Variants in UGT1A3 observed in about 807,000 individuals in gnomAD.
UGT1A3 encodes the protein UDP-glucuronosyltransferase 1A3.
In UGT1A3, 31 loss-of-function variants were observed where a neutral mutation model predicts 41.0. The ratio of observed to expected loss-of-function variants is 0.76; its 90% confidence interval spans 0.57 to 1.02. UGT1A3 has a LOEUF of 1.02. UGT1A3 is among the 50% of genes least tolerant of loss of function. The probability of loss-of-function intolerance (pLI) is 0.00; values close to 1 mark genes in which losing one functional copy is unlikely to be tolerated. For synonymous variants in UGT1A3, 262 were observed against 257.6 expected (o/e 1.02, Z -0.17); for missense variants, 737 against 671.0 (o/e 1.10, Z -1.09).
At chr2:233,755,114 G>A (rs761865052) in intron 1 of UGT1A3, 3 of 1,331,932 alleles carry the variant, frequency 2.3e-6, no homozygotes, top group South Asian at 2.3e-5. Context: ...ACACCTCGTA[G>A]GCCTCAGCCA....
chr2:233,760,187 A>T (rs990924145), intron 1 of UGT1A3: 2 of 1,561,228 alleles, frequency 1.3e-6, no homozygotes, highest in African/African-American at 2.7e-5. Flanking sequence ...TTTTATAGTC[A>T]CGTGACACAG....
intron 4 of UGT1A3, among the ~76,000 whole-genome samples, chr2:233,771,801 TC>T (rs1700390551): frequency 9.1e-6 from 1 of 110,270 alleles, no homozygotes; most frequent in Non-Finnish European, 1.8e-5. Flanking sequence ...CCTCCCTCCC[TC>T]CCTTCCTCCT....
intron 1 of UGT1A3, among the ~76,000 whole-genome samples, chr2:233,732,581 G>T (rs2078286817): frequency 6.6e-6 from 1 of 152,170 alleles, no homozygotes; most frequent in African/African-American, 2.4e-5. Flanking sequence ...CCCATTGCTT[G>T]TTTTTGTCAG....
intron 1 of UGT1A3, among the ~76,000 whole-genome samples, chr2:233,741,240 A>G (rs530886202): frequency 6.6e-6 from 1 of 152,014 alleles, no homozygotes; most frequent in East Asian, 1.9e-4. Flanking sequence ...CCTCTGAGTG[A>G]CACTGGTATG....
intron 2 of UGT1A3, 98 bp downstream of exon 2, chr2:233,767,263 G>C (rs1020187729): frequency 6.3e-7 from 1 of 1,589,094 alleles, no homozygotes; most frequent in African/African-American, 1.4e-5. Flanking sequence ...TGGAACCTTA[G>C]ATTTGGCTTT....
rs368860136 is a variant in UGT1A3, at chr2:233,772,310, G to A, written c.1356G>A (p.Pro452=). The A allele has an allele frequency of 6.6e-5, 107 of 1,614,092 alleles. No individual in the cohort carries two copies. The highest frequency in any genetic ancestry group is 2.5e-4 in the African/African-American group (19 of 74,926). ...MRLSSLHKDR[P]VEPLDLAVFW... ...TCTCCAGCCTTCACAAGGACCGCCCGGTGGAGCCGCTGGACCTGGCCGTGT... is the reference window on the plus strand; with the variant it reads ...TCTCCAGCCTTCACAAGGACCGCCCAGTGGAGCCGCTGGACCTGGCCGTGT... Residue 452 remains proline, a synonymous_variant, in exon 5 of 5, where the codon CCG becomes CCA. Transcript: ENST00000482026.
chr2:233,731,238 T>A (rs2078125574), intron 1 of UGT1A3, among the ~76,000 whole-genome samples: 1 of 152,108 alleles, frequency 6.6e-6, no homozygotes, highest in South Asian at 2.1e-4. Context: ...TGTTGAAAAG[T>A]GGGATGGCAT....
chr2:233,767,309 T>A, intron 2 of UGT1A3, 144 bp downstream of exon 2: 2 of 1,517,866 alleles, frequency 1.3e-6, no homozygotes, highest in Non-Finnish European at 8.7e-7. Context: ...CCAAAGGTTT[T>A]TTTTGTTGTT....
Position 233,731,690 on chromosome 2 carries a change from G to C in UGT1A3, c.867+1697G>C, listed in dbSNP as rs183220610. ...TTCTTAATCCAGTCTATCATTGATG[G>C]ACATTTGGATTGGTTCCAGGTCTTT... On this transcript the variant is annotated intron_variant, in intron 1 of 4. Coordinates refer to ENST00000482026, the MANE Select transcript of UGT1A3 (RefSeq NM_019093.4). 7.2e-5 allele frequency among the ~76,000 whole-genome samples: 11 copies of C among 152,322 alleles called. No individual in the cohort carries two copies. The East Asian group carries it at 2.1e-3, about 29-fold the overall frequency.
chr2:233,772,274 C>T lies in UGT1A3; in HGVS notation c.1320C>T (p.Asn440=), dbSNP rs754238953. Residue 440 remains asparagine, a synonymous_variant, in exon 5 of 5, where the codon AAC becomes AAT. Coordinates refer to ENST00000482026, the MANE Select transcript of UGT1A3 (RefSeq NM_019093.4). ...TCTTTGTGTTTAGTTACAAGGAGAA[C>T]ATCATGCGCCTCTCCAGCCTTCACA... The part of the protein sequence containing the change: ...AVINDKSYKE[N]IMRLSSLHKD... 1.5e-5 allele frequency: 25 copies of T among 1,614,248 alleles called. No individual in the cohort carries two copies. The South Asian group carries it at 1.8e-4, about 11-fold the overall frequency.
chr2:233,738,647 T>G (rs1690861209), intron 1 of UGT1A3, among the ~76,000 whole-genome samples: 1 of 152,210 alleles, frequency 6.6e-6, no homozygotes, highest in Non-Finnish European at 1.5e-5. Context: ...TAGAGCTCTT[T>G]GGAACTACGA....
rs1699600557 is a variant in UGT1A3 at position 233,768,315 on chromosome 2, T to C, written c.1183T>C (p.Phe395Leu). The change falls in exon 4 of 5, where the codon TTT becomes CTT. Residue 395 changes from phenylalanine (F) to leucine (L), a missense_variant. Physicochemically the swap from Phe to Leu is conservative, Grantham distance 22. Coordinates refer to ENST00000482026, the MANE Select transcript of UGT1A3 (RefSeq NM_019093.4). ...CGTTCCCATGGTGATGATGCCCTTG[T>C]TTGGTGATCAGATGGACAATGCAAA... ...NGVPMVMMPLFGDQMDNAKRM... is the reference protein window; with the variant it reads ...NGVPMVMMPLLGDQMDNAKRM... 3 of 1,614,138 alleles carry C rather than the reference T, an allele frequency of 1.9e-6. No individual in the cohort carries two copies. Among genetic ancestry groups the C allele is most frequent in the South Asian group, 2.2e-5 (2 of 91,078 alleles).
In UGT1A3 at chr2:233,729,056, T is replaced by G; in HGVS notation, c.-71T>G. ...CTAAGTGGCTCAGTGACAAGGTAATTAAGATGAAGAAAGCAAATGTAGCAG... is the reference window on the plus strand; with the variant it reads ...CTAAGTGGCTCAGTGACAAGGTAATGAAGATGAAGAAAGCAAATGTAGCAG... On this transcript the variant is annotated 5_prime_UTR_variant, in exon 1 of 5. The change creates a new upstream start codon in the 5' untranslated region. Coordinates refer to ENST00000482026, the MANE Select transcript of UGT1A3 (RefSeq NM_019093.4). The G allele has an allele frequency of 6.2e-7, 1 of 1,610,084 alleles. No homozygotes were observed. Among genetic ancestry groups the G allele is most frequent in the Non-Finnish European group, 8.5e-7 (1 of 1,178,744 alleles).
At position 233,769,327 on chromosome 2, in the gene UGT1A3, G is replaced by C. The variant is rs1477763656; in HGVS notation, c.1307+888G>C. The stretch of plus-strand genomic sequence containing the variant: ...TTACTGTCAAGCTCACTGGTAATAG[G>C]CTTATTAGAACCTTATGGGAAGAAG... On this transcript the variant is annotated intron_variant, in intron 4 of 4. Transcript: ENST00000482026. The surrounding 1 kb of genome is among the most constrained non-coding windows in gnomAD (Gnocchi z 4.4). 6.6e-6 allele frequency among the ~76,000 whole-genome samples: 1 copy of C among 152,234 alleles called. No homozygotes were observed. The highest frequency in any genetic ancestry group is 1.5e-5 in the Non-Finnish European group (1 of 68,042).
At chr2:233,748,098 A>C in intron 1 of UGT1A3, 1 of 1,612,702 alleles carries the variant, frequency 6.2e-7, no homozygotes, top group Non-Finnish European at 8.5e-7. Flanking sequence ...TCGTGCCTTC[A>C]TCCAATCAAT....
chr2:233,748,015 C>G (rs746722710), intron 1 of UGT1A3: 4 of 1,613,310 alleles, frequency 2.5e-6, no homozygotes. Flanking sequence ...TACCCCAGGC[C>G]GATCATGCCC....
In UGT1A3 at chr2:233,765,523, G is replaced by A. The variant is rs34942302; in HGVS notation, c.868-1511G>A. On this transcript the variant is annotated intron_variant, in intron 1 of 4. Coordinates refer to ENST00000482026, the MANE Select transcript of UGT1A3 (RefSeq NM_019093.4). ...ACACAGGAACAGAAAATCAAACACCGCATGTTCTCACTCATAAGTGGGAGT... is the reference window on the plus strand; with the variant it reads ...ACACAGGAACAGAAAATCAAACACCACATGTTCTCACTCATAAGTGGGAGT... Among the ~76,000 whole-genome samples, 784 of 152,122 alleles carry A rather than the reference G, an allele frequency of 5.2e-3. 4 individuals are homozygous for A. Among genetic ancestry groups the A allele is most frequent in the Non-Finnish European group, 8.2e-3 (558 of 68,008 alleles).
intron 1 of UGT1A3, among the ~76,000 whole-genome samples, chr2:233,756,863 G>A (rs956259550): frequency 6.6e-6 from 1 of 152,072 alleles, no homozygotes; most frequent in Non-Finnish European, 1.5e-5. Flanking sequence ...GGTTCATAAA[G>A]GGTATTAGGT....
At chr2:233,736,896 C>T (rs1212789655) in intron 1 of UGT1A3, among the ~76,000 whole-genome samples, 1 of 152,186 alleles carries the variant, frequency 6.6e-6, no homozygotes, top group Non-Finnish European at 1.5e-5. Context: ...GCTGCCTGAT[C>T]CTTCCTCTGG....
Sources: gnomAD v4.1 joint callset for allele counts (sites outside exome capture counted in the v4.1 genomes callset) on GRCh38, gnomAD v4.1.1 for gene constraint, Gnocchi (gnomAD v3.1) non-coding constraint, MANE v1.5 for transcripts, NCBI Gene and HGNC (gene_info 2026-07-23, HGNC 2026-07-21) for gene names.